Variants in PPM1E observed in about 807,000 individuals in gnomAD.
PPM1E encodes protein phosphatase, Mg2+/Mn2+ dependent 1E.
A neutral mutation model predicts 65.9 loss-of-function variants in PPM1E; 20 were observed. The ratio of observed to expected loss-of-function variants is 0.30; its 90% CI spans 0.21 to 0.44. The LOEUF (loss-of-function observed/expected upper bound fraction) is 0.44, where lower values mean the gene tolerates loss of function less well. Among genes scored for constraint, PPM1E ranks in the 20% least tolerant of loss-of-function variants. The pLI is 1.00. For missense variants in PPM1E, 713 were observed against 953.1 expected (o/e 0.75, Z 3.32); for synonymous variants, 352 against 374.9 (o/e 0.94, Z 0.70).
At chr17:58,808,273 G>A (rs1018085855) in intron 1 of PPM1E, among the ~76,000 whole-genome samples, 1 of 152,170 alleles carries the variant, frequency 6.6e-6, no homozygotes, top group African/African-American at 2.4e-5. Flanking sequence ...CTTCAGGGAT[G>A]TTTGGCTATT....
chr17:58,937,874 C>A (rs1244187238), intron 1 of PPM1E, among the ~76,000 whole-genome samples: 2 of 22,714 alleles, frequency 8.8e-5, no homozygotes, highest in South Asian at 1.2e-3. Context: ...AGTGAGACTC[C>A]ATCTCAAAAA....
At chr17:58,867,255 G>A (rs2143328817) in intron 1 of PPM1E, among the ~76,000 whole-genome samples, 1 of 152,356 alleles carries the variant, frequency 6.6e-6, no homozygotes, top group Middle Eastern at 3.4e-3. Context: ...TGGGATTACA[G>A]GCATGAGCCA....
intron 1 of PPM1E, among the ~76,000 whole-genome samples, chr17:58,877,859 T>A (rs957694621): frequency 6.6e-6 from 1 of 152,158 alleles, no homozygotes; most frequent in African/African-American, 2.4e-5. Context: ...AATGGAACAA[T>A]GAGAGAAATT....
intron 1 of PPM1E, among the ~76,000 whole-genome samples, chr17:58,847,874 T>A (rs2050787533): frequency 6.6e-6 from 1 of 152,230 alleles, no homozygotes; most frequent in South Asian, 2.1e-4. Flanking sequence ...TATGGCCATT[T>A]TCACAATATT....
intron 3 of PPM1E, 151 bp from the exon 4 acceptor site, chr17:58,969,388 G>T: frequency 1.3e-6 from 1 of 777,004 alleles, no homozygotes; most frequent in Admixed American, 2.0e-5. Flanking sequence ...AGTTGATCAG[G>T]CATGTTAGAG....
intron 1 of PPM1E, among the ~76,000 whole-genome samples, chr17:58,926,926 C>T (rs2051829651): frequency 6.6e-6 from 1 of 151,868 alleles, no homozygotes; most frequent in African/African-American, 2.4e-5. Flanking sequence ...AAAACAAGTT[C>T]TTATAGCATG....
intron 1 of PPM1E, among the ~76,000 whole-genome samples, chr17:58,937,024 C>T (rs908854516): frequency 1.3e-5 from 2 of 151,516 alleles, no homozygotes; most frequent in African/African-American, 2.4e-5. Context: ...AGGCCGGGCG[C>T]GGTGGCTCAC....
rs534599984 is a variant in PPM1E at position 58,944,206 on chromosome 17, T to C, written c.465-11443T>C. Among the ~76,000 whole-genome samples the C allele has an allele frequency of 5.9e-5, 9 of 152,254 alleles. No individual in the cohort carries two copies. The East Asian group carries it at 1.7e-3, about 29-fold the overall frequency. On this transcript the variant is annotated intron_variant, in intron 1 of 6. Coordinates refer to ENST00000308249, the MANE Select transcript of PPM1E (RefSeq NM_014906.5). Reference sequence around the variant, plus strand: ...CCTGATTTTCACTTCCACTATTCAGTAGTTCTTGACAAAGTCAGTAGTTTT... The same window carrying C: ...CCTGATTTTCACTTCCACTATTCAGCAGTTCTTGACAAAGTCAGTAGTTTT...
At chr17:58,965,370 C>T (rs1024106277) in intron 2 of PPM1E, among the ~76,000 whole-genome samples, 2 of 151,984 alleles carry the variant, frequency 1.3e-5, no homozygotes, top group Admixed American at 6.6e-5. Flanking sequence ...AAAAAGAAAC[C>T]GGTGCTGGGA....
chr17:58,861,490 T>G (rs2050942123), intron 1 of PPM1E, among the ~76,000 whole-genome samples: 1 of 152,230 alleles, frequency 6.6e-6, no homozygotes, highest in Non-Finnish European at 1.5e-5. Context: ...TGGCTTGAGA[T>G]GAAGTCCAGA....
intron 1 of PPM1E, among the ~76,000 whole-genome samples, chr17:58,823,568 A>T (rs1419676728): frequency 6.6e-6 from 1 of 151,802 alleles, no homozygotes; most frequent in Non-Finnish European, 1.5e-5. Flanking sequence ...TTGTTCAGTT[A>T]TTTTTTTTCC....
chr17:58,816,237 G>A (rs1490415722), intron 1 of PPM1E, among the ~76,000 whole-genome samples: 1 of 151,794 alleles, frequency 6.6e-6, no homozygotes, highest in Non-Finnish European at 1.5e-5. Flanking sequence ...TATTGGCCAG[G>A]CTGGTCTCAA....
At chr17:58,783,290 A>C (rs746968886) in intron 1 of PPM1E, among the ~76,000 whole-genome samples, 3 of 152,262 alleles carry the variant, frequency 2.0e-5, no homozygotes, top group African/African-American at 7.2e-5. Context: ...AGTATAACTA[A>C]ATATATAATC....
chr17:58,792,149 A>G (rs2144251722), intron 1 of PPM1E, among the ~76,000 whole-genome samples: 1 of 151,766 alleles, frequency 6.6e-6, no homozygotes, highest in African/African-American at 2.4e-5. Flanking sequence ...GAAGATTCCA[A>G]GTTAAATATG....
chr17:58,836,784 G>A (rs2050662080), intron 1 of PPM1E, among the ~76,000 whole-genome samples: 1 of 149,486 alleles, frequency 6.7e-6, no homozygotes. Flanking sequence ...CACTTTGGGA[G>A]GCCGAGACGG....
chr17:58,785,714 C>T (rs2050094364), intron 1 of PPM1E: 2 of 151,566 alleles, frequency 1.3e-5, no homozygotes, highest in Middle Eastern at 3.2e-3. Flanking sequence ...GTTCCAAGAC[C>T]CCCAGTGGAT....
At chr17:58,786,028 T>A (rs2050096972) in intron 1 of PPM1E, among the ~76,000 whole-genome samples, 1 of 151,182 alleles carries the variant, frequency 6.6e-6, no homozygotes, top group African/African-American at 2.4e-5. Context: ...TTTTTTTTTT[T>A]TTTTGAGACA....
chr17:58,856,296 A>G (rs963023696), intron 1 of PPM1E, among the ~76,000 whole-genome samples: 1 of 152,020 alleles, frequency 6.6e-6, no homozygotes, highest in African/African-American at 2.4e-5. Context: ...CTGTAATGCA[A>G]TGGCGCGATC....
At chr17:58,758,118 A>AAC (rs1445715720) in intron 1 of PPM1E, among the ~76,000 whole-genome samples, 1 of 152,234 alleles carries the variant, frequency 6.6e-6, no homozygotes, top group Non-Finnish European at 1.5e-5. Context: ...AACCAATTCA[A>AAC]ACTTTAGAAA....
Sources: allele counts gnomAD v4.1 joint callset (sites outside exome capture counted in the v4.1 genomes callset), GRCh38; gene constraint gnomAD v4.1.1; transcripts MANE v1.5; gene names NCBI Gene and HGNC (gene_info 2026-07-23, HGNC 2026-07-21).